FYB1: variants seen among roughly 807,000 people sequenced by gnomAD.
FYB1 encodes FYN-binding protein 1.
A neutral mutation model predicts 94.1 loss-of-function variants in FYB1; 41 were observed. The observed-to-expected ratio is 0.44, with a 90% CI of 0.34 to 0.57. FYB1 has a LOEUF of 0.57. FYB1 is among the 20% of genes least tolerant of loss of function. FYB1 has a pLI of 0.02. For missense variants in FYB1, 1,050 were observed against 976.8 expected, an observed-to-expected ratio of 1.07 and a Z score of -1.00; for synonymous variants, 367 against 353.2, an observed-to-expected ratio of 1.04 and a Z score of -0.44.
At chr5:39,203,822 G>C (rs552774463) in intron 1 of FYB1, among the ~76,000 whole-genome samples, 1 of 152,160 alleles carries the variant, frequency 6.6e-6, no homozygotes, top group East Asian at 1.9e-4. Context: ...TCCCCTGCTT[G>C]TCTAGAATTT....
intron 1 of FYB1, among the ~76,000 whole-genome samples, chr5:39,230,744 G>A (rs1409372134): frequency 6.6e-6 from 1 of 151,480 alleles, no homozygotes; most frequent in Non-Finnish European, 1.5e-5. Flanking sequence ...TATCCACAAG[G>A]CTGATGCTGG....
At chr5:39,193,071 T>C (rs1188918305) in intron 2 of FYB1, among the ~76,000 whole-genome samples, 3 of 152,158 alleles carry the variant, frequency 2.0e-5, no homozygotes, top group Non-Finnish European at 2.9e-5. Context: ...CATCCAGACC[T>C]GGAACTTCCC....
At chr5:39,131,128 A>C (rs1741168415) in intron 9 of FYB1, among the ~76,000 whole-genome samples, 1 of 152,174 alleles carries the variant, frequency 6.6e-6, no homozygotes, top group Non-Finnish European at 1.5e-5. Flanking sequence ...TTTATCTGGT[A>C]TGACTGCTGA....
At chr5:39,239,219 A>G (rs1040101878) in intron 1 of FYB1, among the ~76,000 whole-genome samples, 9 of 152,162 alleles carry the variant, frequency 5.9e-5, no homozygotes, top group African/African-American at 1.9e-4. Flanking sequence ...TAAATGGGCA[A>G]AAGCTGGAAG....
intron 3 of FYB1, among the ~76,000 whole-genome samples, chr5:39,143,260 C>T (rs1191328444): frequency 6.6e-6 from 1 of 152,110 alleles, no homozygotes; most frequent in East Asian, 1.9e-4. Context: ...GCTCTCCCTA[C>T]TAGGTTTCTT....
chr5:39,182,257 T>C (rs1746309971), intron 2 of FYB1, among the ~76,000 whole-genome samples: 1 of 148,994 alleles, frequency 6.7e-6, no homozygotes, highest in South Asian at 2.1e-4. Flanking sequence ...AGGTGGCACA[T>C]ACAAATGCTT....
intron 16 of FYB1, among the ~76,000 whole-genome samples, chr5:39,117,960 C>T (rs1233169992): frequency 6.6e-6 from 1 of 152,018 alleles, no homozygotes; most frequent in South Asian, 2.1e-4. Flanking sequence ...TGTAGCAGTG[C>T]GATCATGGCT....
chr5:39,130,489 A>G (rs868358319), intron 10 of FYB1, 101 bp downstream of exon 10: 6 of 907,582 alleles, frequency 6.6e-6, no homozygotes, highest in Middle Eastern at 6.0e-4. Flanking sequence ...CTTGAACAAT[A>G]CACATTCTAT....
At chr5:39,214,123 A>T (rs996262849) in intron 1 of FYB1, among the ~76,000 whole-genome samples, 2 of 152,148 alleles carry the variant, frequency 1.3e-5, no homozygotes, top group African/African-American at 4.8e-5. Flanking sequence ...AAAGTACCAC[A>T]GAGAGAGTCA....
intron 1 of FYB1, among the ~76,000 whole-genome samples, chr5:39,272,261 A>T (rs1455481840): frequency 6.6e-6 from 1 of 152,152 alleles, no homozygotes; most frequent in African/African-American, 2.4e-5. Flanking sequence ...CATACTAGCA[A>T]GATAGTGAAC....
chr5:39,142,235 C>T (rs542560022), intron 3 of FYB1, among the ~76,000 whole-genome samples: 38 of 152,262 alleles, frequency 2.5e-4, no homozygotes, highest in Non-Finnish European at 5.0e-4. Flanking sequence ...TTGCGTTGTC[C>T]TTCTCCATAC....
Position 39,127,763 on chromosome 5 carries a change from C to T in FYB1, c.1885G>A (p.Glu629Lys), listed in dbSNP as rs1019736755. The change falls in exon 11 of 19, where the codon GAA becomes AAA. Residue 629 changes from glutamate to lysine, a missense_variant. Transcript: ENST00000512982. The part of the protein sequence containing the change: ...PPDDDIYDGI[E>K]EEDADDGSTL... Reference sequence around the variant, plus strand: ...TACCCATCATCAGCATCTTCCTCTTCAATCCCATCATAAATGTCATCATCT... The same window carrying T: ...TACCCATCATCAGCATCTTCCTCTTTAATCCCATCATAAATGTCATCATCT... 1 of 1,604,876 alleles carries T rather than the reference C, an allele frequency of 6.2e-7. No homozygotes were observed. The highest frequency in any genetic ancestry group is 8.5e-7 in the Non-Finnish European group (1 of 1,175,398).
intron 1 of FYB1, among the ~76,000 whole-genome samples, chr5:39,246,041 T>A (rs835181): frequency 7.2e-5 from 11 of 152,256 alleles, no homozygotes; most frequent in African/African-American, 2.7e-4. Flanking sequence ...ACTCTGTTGT[T>A]CCAAGAGGAA....
chr5:39,147,820 G>A (rs938169047), intron 3 of FYB1, among the ~76,000 whole-genome samples: 8 of 150,172 alleles, frequency 5.3e-5, no homozygotes, highest in African/African-American at 9.8e-5. Flanking sequence ...AGCTGGGACT[G>A]CAGGCGCCCG....
Position 39,202,111 on chromosome 5 carries a change from C to T in FYB1, c.850G>A (p.Glu284Lys). ...GLSKNGEEKK[E>K]DRKIDAAKNT... ...TTAGCAGCATCTATCTTCCTATCTT[C>T]CTTTTTTTCTTCACCATTTTTGGAG... Residue 284 changes from glutamate (E) to lysine (K), a missense_variant, in exon 2 of 19, where the codon GAA becomes AAA. Physicochemically the swap from Glu to Lys is moderately conservative, Grantham distance 56. Transcript: ENST00000512982. 6.2e-7 allele frequency: 1 copy of T among 1,614,036 alleles called. No individual in the cohort carries two copies. Among genetic ancestry groups the T allele is most frequent in the Non-Finnish European group, 8.5e-7 (1 of 1,179,898 alleles).
intron 2 of FYB1, among the ~76,000 whole-genome samples, chr5:39,184,069 A>C (rs1746510584): frequency 6.6e-6 from 1 of 152,240 alleles, no homozygotes; most frequent in Admixed American, 6.5e-5. Context: ...ACTATTTAGT[A>C]ATTTAGAAGA....
chr5:39,234,001 C>G (rs778210905), intron 1 of FYB1, among the ~76,000 whole-genome samples: 1 of 152,118 alleles, frequency 6.6e-6, no homozygotes. Flanking sequence ...ACTGCTCTGG[C>G]CTTTCTCTAG....
chr5:39,225,994 G>C (rs1351904100), intron 1 of FYB1, among the ~76,000 whole-genome samples: 1 of 152,120 alleles, frequency 6.6e-6, no homozygotes, highest in East Asian at 1.9e-4. Context: ...TGCCCCAGCT[G>C]CAGGCCTCTC....
chr5:39,241,927 C>T (rs1302518333), intron 1 of FYB1, among the ~76,000 whole-genome samples: 1 of 151,540 alleles, frequency 6.6e-6, no homozygotes, highest in Admixed American at 6.6e-5. Context: ...TACATTAGAG[C>T]TGAAAAGGAA....
Sources: allele counts gnomAD v4.1 joint callset (sites outside exome capture counted in the v4.1 genomes callset), GRCh38; gene constraint gnomAD v4.1.1; transcripts MANE v1.5; gene names NCBI Gene and HGNC (gene_info 2026-07-23, HGNC 2026-07-21).